Variants in MSI2 observed in about 807,000 individuals in gnomAD.
MSI2 encodes the protein RNA-binding protein Musashi homolog 2.
A neutral mutation model predicts 45.6 loss-of-function variants in MSI2; 17 were observed. The observed-to-expected ratio is 0.37, with a 90% CI of 0.26 to 0.56. The LOEUF is 0.56. Among genes scored for constraint, MSI2 ranks in the 20% least tolerant of loss-of-function variants. The pLI is 0.77. For synonymous variants in MSI2, 156 were observed against 158.2 expected, an observed-to-expected ratio of 0.99 and a Z score of 0.11; for missense variants, 293 against 444.2, an observed-to-expected ratio of 0.66 and a Z score of 3.06.
intron 6 of MSI2, among the ~76,000 whole-genome samples, chr17:57,489,074 G>A (rs2085813827): frequency 1.3e-5 from 2 of 152,272 alleles, no homozygotes; most frequent in South Asian, 4.1e-4. Context: ...AGTCATTAAG[G>A]GTCATGAAGA....
intron 6 of MSI2, among the ~76,000 whole-genome samples, chr17:57,440,100 C>T (rs2143456238): frequency 6.6e-6 from 1 of 152,192 alleles, no homozygotes; most frequent in South Asian, 2.1e-4. Context: ...GTGTTTTGAC[C>T]TAGAAGCCAT....
At chr17:57,573,895 G>C (rs1399274284) in intron 7 of MSI2, among the ~76,000 whole-genome samples, 1 of 152,216 alleles carries the variant, frequency 6.6e-6, no homozygotes, top group African/African-American at 2.4e-5. Flanking sequence ...GCGAGGGCAG[G>C]CTAGAAGGAT....
intron 10 of MSI2, chr17:57,632,119 C>T: frequency 1.6e-6 from 2 of 1,236,292 alleles, no homozygotes; most frequent in African/African-American, 1.5e-5. Context: ...GGAAACTTCT[C>T]ACAAACTTCG....
At chr17:57,506,341 G>A (rs951939835) in intron 6 of MSI2, among the ~76,000 whole-genome samples, 1 of 152,240 alleles carries the variant, frequency 6.6e-6, no homozygotes, top group Non-Finnish European at 1.5e-5. Flanking sequence ...GGGAAAACCT[G>A]CGGGGTTATT....
intron 5 of MSI2, among the ~76,000 whole-genome samples, chr17:57,315,056 G>T (rs1234392904): frequency 6.6e-6 from 1 of 152,128 alleles, no homozygotes; most frequent in Non-Finnish European, 1.5e-5. Context: ...GCTTTTGAAA[G>T]CTCACCAGGT....
At chr17:57,391,769 C>G (rs947270750) in intron 5 of MSI2, among the ~76,000 whole-genome samples, 1 of 152,206 alleles carries the variant, frequency 6.6e-6, no homozygotes, top group Non-Finnish European at 1.5e-5. Flanking sequence ...CTTTGGCTGC[C>G]TTTCTCATGC....
At chr17:57,455,030 G>A (rs1306456657) in intron 6 of MSI2, among the ~76,000 whole-genome samples, 2 of 152,184 alleles carry the variant, frequency 1.3e-5, no homozygotes, top group Non-Finnish European at 2.9e-5. Context: ...ACCTCTGAGA[G>A]CCTGATTTTC....
chr17:57,557,241 ATGGGAGGTGGGC>A (rs2087456836), intron 7 of MSI2, among the ~76,000 whole-genome samples: 3 of 152,172 alleles, frequency 2.0e-5, no homozygotes, highest in Non-Finnish European at 4.4e-5. Flanking sequence ...AGGCAACCAG[ATGGGAGGTGGGC>A]TGACTTACAT....
chr17:57,628,475 A>C (rs1462098487), intron 10 of MSI2: 1 of 152,222 alleles, frequency 6.6e-6, no homozygotes, highest in Non-Finnish European at 1.5e-5. Context: ...TGGCAGACAG[A>C]TCCTTCAACC....
At position 57,679,729 on chromosome 17, in the gene MSI2, C is replaced by A; in HGVS notation, c.*212C>A. 1 of 503,648 alleles carries A rather than the reference C, an allele frequency of 2.0e-6. No homozygotes were observed. The allele number at this position is 503,648 out of a possible 1,614,324, so 31.2% of individuals were successfully genotyped here. On this transcript the variant is annotated 3_prime_UTR_variant, in exon 14 of 14. Coordinates refer to ENST00000284073, the MANE Select transcript of MSI2 (RefSeq NM_138962.4). ...ACGAATCTGCTGTAATATAAGACAACAGCTTTTAAATGTGTATATAACCCA... is the reference window on the plus strand; with the variant it reads ...ACGAATCTGCTGTAATATAAGACAAAAGCTTTTAAATGTGTATATAACCCA...
At chr17:57,541,470 G>GA (rs374140354) in intron 7 of MSI2, among the ~76,000 whole-genome samples, 8 of 151,916 alleles carry the variant, frequency 5.3e-5, no homozygotes, top group South Asian at 2.1e-4. Flanking sequence ...TTTCTATCCT[G>GA]AAAAAAAATA....
chr17:57,381,263 A>G (rs933984031), intron 5 of MSI2, among the ~76,000 whole-genome samples: 2 of 151,904 alleles, frequency 1.3e-5, no homozygotes, highest in African/African-American at 2.4e-5. Context: ...ACAGGGTTTC[A>G]CCATGTTGCC....
At chr17:57,444,352 AG>A (rs1370617338) in intron 6 of MSI2, 3 of 152,248 alleles carry the variant, frequency 2.0e-5, no homozygotes, top group African/African-American at 7.2e-5. Context: ...TGGGAGGCCG[AG>A]GCAGGTGGAT....
chr17:57,691,614 G>A, the MSI2 span, among the ~76,000 whole-genome samples: 2 of 152,050 alleles, frequency 1.3e-5, no homozygotes, highest in Non-Finnish European at 2.9e-5. Context: ...AGTTTAAAGG[G>A]TACTTAACTT....
At chr17:57,267,879 C>G (rs1339752771) in intron 5 of MSI2, 1 of 152,130 alleles carries the variant, frequency 6.6e-6, no homozygotes, top group African/African-American at 2.4e-5. Context: ...TTTTTGCTGC[C>G]TTGAAACTGA....
At chr17:57,469,457 A>G (rs1360553036) in intron 6 of MSI2, among the ~76,000 whole-genome samples, 1 of 152,214 alleles carries the variant, frequency 6.6e-6, no homozygotes, top group Non-Finnish European at 1.5e-5. Context: ...ACTTAGACAC[A>G]GATGATGAGG....
chr17:57,604,210 C>G (rs1906264098), intron 8 of MSI2, among the ~76,000 whole-genome samples: 1 of 152,212 alleles, frequency 6.6e-6, no homozygotes, highest in East Asian at 1.9e-4. Flanking sequence ...GTGGTAGTGC[C>G]TACCTCGGAG....
intron 5 of MSI2, among the ~76,000 whole-genome samples, chr17:57,370,427 G>C (rs1208496181): frequency 6.6e-6 from 1 of 152,146 alleles, no homozygotes; most frequent in Non-Finnish European, 1.5e-5. Flanking sequence ...AGGGCCCTTT[G>C]GAAAGGCCTT....
At chr17:57,546,760 A>C (rs72833083) in intron 7 of MSI2, among the ~76,000 whole-genome samples, 11,615 of 151,952 alleles carry the variant, frequency 0.076, 510 homozygotes, top group Middle Eastern at 0.14. Context: ...GCAGAGTGAA[A>C]CCCCCTGCCC....
Sources: gnomAD v4.1 joint callset for allele counts (sites outside exome capture counted in the v4.1 genomes callset) on GRCh38, gnomAD v4.1.1 for gene constraint, MANE v1.5 for transcripts, NCBI Gene and HGNC (gene_info 2026-07-23, HGNC 2026-07-21) for gene names.